The following PRKN variants were observed in gnomAD, a reference collection of about 807,000 sequenced individuals.
The protein encoded by PRKN is parkin RBR E3 ubiquitin protein ligase.
A neutral mutation model predicts 59.5 loss-of-function variants in PRKN; 56 were observed. That is an observed-to-expected ratio of 0.94 (90% CI 0.76 to 1.18). The LOEUF is 1.18. PRKN is among the 50% of genes most tolerant of loss of function. The probability of loss-of-function intolerance (pLI) is 0.00; values close to 1 mark genes in which losing one functional copy is unlikely to be tolerated. For missense variants in PRKN, 657 were observed against 596.4 expected (o/e 1.10, Z -1.06); for synonymous variants, 250 against 222.1 (o/e 1.13, Z -1.12).
intron 1 of PRKN, among the ~76,000 whole-genome samples, chr6:162,648,759 T>A (rs1015700554): frequency 1.3e-5 from 2 of 152,080 alleles, no homozygotes; most frequent in Admixed American, 6.6e-5. Flanking sequence ...TCTCATAGAG[T>A]GTGCACAAAC....
At chr6:161,955,588 C>A (rs1238459232) in intron 6 of PRKN, among the ~76,000 whole-genome samples, 1 of 152,196 alleles carries the variant, frequency 6.6e-6, no homozygotes, top group East Asian at 1.9e-4. Flanking sequence ...CAGTGGCTCA[C>A]GCCTGTGATC....
chr6:161,897,834 G>A (rs1488623831), intron 6 of PRKN, among the ~76,000 whole-genome samples: 1 of 150,374 alleles, frequency 6.7e-6, no homozygotes, highest in Non-Finnish European at 1.5e-5. Context: ...GGGCGTAGTG[G>A]CGGGCGCCTG....
At chr6:161,608,807 T>C (rs1782382623) in intron 7 of PRKN, among the ~76,000 whole-genome samples, 7 of 152,094 alleles carry the variant, frequency 4.6e-5, no homozygotes, top group Admixed American at 4.6e-4. Context: ...CCCAAAGTGC[T>C]AGGATTACAG....
At chr6:162,011,355 A>G (rs1223692938) in intron 5 of PRKN, among the ~76,000 whole-genome samples, 1 of 13,860 alleles carries the variant, frequency 7.2e-5, no homozygotes, top group Non-Finnish European at 1.1e-4. Context: ...TATAATATAT[A>G]TTTATAATAT....
At chr6:162,353,516 T>A (rs1156826695) in intron 2 of PRKN, among the ~76,000 whole-genome samples, 6 of 152,286 alleles carry the variant, frequency 3.9e-5, no homozygotes, top group East Asian at 3.9e-4. Context: ...AATAAATTTT[T>A]AAAAAAATTC....
chr6:162,154,378 T>C (rs1192922750), intron 4 of PRKN, among the ~76,000 whole-genome samples: 2 of 152,200 alleles, frequency 1.3e-5, no homozygotes, highest in African/African-American at 2.4e-5. Context: ...TTATAAGGAA[T>C]GGAAAATTCA....
intron 6 of PRKN, among the ~76,000 whole-genome samples, chr6:161,867,550 T>C (rs1033622147): frequency 6.6e-6 from 1 of 152,044 alleles, no homozygotes; most frequent in Non-Finnish European, 1.5e-5. Flanking sequence ...TATAAAAACA[T>C]GAAAAGATGA....
At chr6:161,988,817 C>T (rs1781536582) in intron 5 of PRKN, among the ~76,000 whole-genome samples, 1 of 152,140 alleles carries the variant, frequency 6.6e-6, no homozygotes, top group South Asian at 2.1e-4. Flanking sequence ...ACCAGTACTA[C>T]AGAGCATTTT....
chr6:161,890,975 C>CAA (rs1795320687), intron 6 of PRKN, among the ~76,000 whole-genome samples: 1 of 152,162 alleles, frequency 6.6e-6, no homozygotes, highest in South Asian at 2.1e-4. Context: ...GATCTATCGT[C>CAA]AGAGTTTCTC....
intron 7 of PRKN, among the ~76,000 whole-genome samples, chr6:161,774,463 G>A (rs1430695125): frequency 6.6e-6 from 1 of 151,428 alleles, no homozygotes; most frequent in Non-Finnish European, 1.5e-5. Context: ...ATGTGGCTGA[G>A]TTCTGGTACA....
intron 9 of PRKN, among the ~76,000 whole-genome samples, chr6:161,500,971 G>A (rs2115301990): frequency 6.6e-6 from 1 of 150,670 alleles, no homozygotes; most frequent in African/African-American, 2.5e-5. Flanking sequence ...CGCCTCCTGG[G>A]TTCAAGCGAT....
chr6:162,580,206 GC>G (rs767583541), intron 1 of PRKN, among the ~76,000 whole-genome samples: 3 of 152,108 alleles, frequency 2.0e-5, no homozygotes, highest in South Asian at 4.1e-4. Flanking sequence ...GGAGGCTGAG[GC>G]AAGCAGACGG....
At chr6:161,422,307 T>G (rs975544484) in intron 9 of PRKN, among the ~76,000 whole-genome samples, 2 of 151,668 alleles carry the variant, frequency 1.3e-5, no homozygotes, top group South Asian at 2.1e-4. Flanking sequence ...CAAGTGGTTC[T>G]CCTGCTTCAG....
chr6:161,654,727 T>C (rs1784275379), intron 7 of PRKN, among the ~76,000 whole-genome samples: 1 of 152,164 alleles, frequency 6.6e-6, no homozygotes, highest in Non-Finnish European at 1.5e-5. Flanking sequence ...AGGGACACAG[T>C]GAGCATGGTG....
intron 7 of PRKN, among the ~76,000 whole-genome samples, chr6:161,691,366 C>A (rs1236282885): frequency 6.6e-6 from 1 of 152,214 alleles, no homozygotes; most frequent in African/African-American, 2.4e-5. Flanking sequence ...ATGGCAGGTT[C>A]AGTTCTACTT....
chr6:161,900,173 TCA>T, intron 6 of PRKN, among the ~76,000 whole-genome samples: 2 of 151,382 alleles, frequency 1.3e-5, no homozygotes, highest in East Asian at 3.9e-4. Context: ...TTTAGTGAAT[TCA>T]GAGGAAGCAG....
intron 7 of PRKN, among the ~76,000 whole-genome samples, chr6:161,682,870 C>G (rs1001260082): frequency 6.6e-6 from 1 of 152,122 alleles, no homozygotes; most frequent in African/African-American, 2.4e-5. Context: ...CCCAGCAAAG[C>G]CCTGAGCTGC....
At chr6:162,371,570 C>T (rs1372930681) in intron 2 of PRKN, among the ~76,000 whole-genome samples, 4 of 152,142 alleles carry the variant, frequency 2.6e-5, no homozygotes, top group Non-Finnish European at 5.9e-5. Flanking sequence ...ATTATCTACT[C>T]CACTGGTTGC....
intron 8 of PRKN, among the ~76,000 whole-genome samples, chr6:161,563,390 T>G (rs763736209): frequency 2.0e-5 from 3 of 152,186 alleles, no homozygotes; most frequent in Non-Finnish European, 2.9e-5. Context: ...ATGGAGGTAC[T>G]TCTGAAATGC....
Sources: gnomAD v4.1 joint callset for allele counts (sites outside exome capture counted in the v4.1 genomes callset) on GRCh38, gnomAD v4.1.1 for gene constraint, MANE v1.5 for transcripts, NCBI Gene and HGNC (gene_info 2026-07-23, HGNC 2026-07-21) for gene names.